FMO1: variants seen among roughly 807,000 people sequenced by gnomAD.
FMO1 encodes flavin-containing monooxygenase 1.
Under a neutral mutation model 45.4 loss-of-function variants are expected in FMO1, and 36 were observed. The ratio of observed to expected loss-of-function variants is 0.79; its 90% CI spans 0.61 to 1.05. The LOEUF is 1.05. Ranked by LOEUF, FMO1 falls within the 50% of genes least tolerant of loss-of-function variation. FMO1 has a pLI of 0.00. For synonymous variants in FMO1, 228 were observed against 227.2 expected (o/e 1.00, Z -0.03); for missense variants, 615 against 640.3 (o/e 0.96, Z 0.43).
intron 3 of FMO1, among the ~76,000 whole-genome samples, chr1:171,268,708 T>A (rs1660722854): frequency 6.6e-6 from 1 of 152,118 alleles, no homozygotes; most frequent in Non-Finnish European, 1.5e-5. Context: ...GTAAGGATGA[T>A]GAGGAATTCA....
chr1:171,259,412 A>G (rs1341474563), intron 2 of FMO1, among the ~76,000 whole-genome samples: 3 of 152,172 alleles, frequency 2.0e-5, no homozygotes, highest in Admixed American at 6.5e-5. Flanking sequence ...ATCAAACCAC[A>G]TATGTTCCAA....
At chr1:171,282,982 A>C in intron 7 of FMO1, 162 bp from the exon 8 acceptor site, 1 of 532,060 alleles carries the variant, frequency 1.9e-6, no homozygotes, top group Non-Finnish European at 3.4e-6. Context: ...TACCAGGAGC[A>C]TACAACCAGT....
intron 2 of FMO1, among the ~76,000 whole-genome samples, chr1:171,265,613 G>A (rs1334571892): frequency 6.6e-6 from 1 of 152,082 alleles, no homozygotes; most frequent in Non-Finnish European, 1.5e-5. Context: ...AATTGACACA[G>A]AGAGTCATCA....
chr1:171,282,648 C>T (rs1480895554), intron 7 of FMO1: 5 of 262,238 alleles, frequency 1.9e-5, no homozygotes. Flanking sequence ...ACTATCTCGT[C>T]CAGACTAGTG....
At chr1:171,276,946 A>C (rs1571354905) in intron 4 of FMO1, among the ~76,000 whole-genome samples, 2 of 152,178 alleles carry the variant, frequency 1.3e-5, no homozygotes, top group East Asian at 3.8e-4. Flanking sequence ...TCGCCCACTT[A>C]ACTTTTCTAA....
intron 2 of FMO1, among the ~76,000 whole-genome samples, chr1:171,260,107 C>T (rs1171900475): frequency 1.3e-5 from 2 of 152,088 alleles, no homozygotes; most frequent in African/African-American, 4.8e-5. Context: ...AGAAAAAGTA[C>T]TGGGCATATT....
chr1:171,270,956 C>A, intron 3 of FMO1: 1 of 859,056 alleles, frequency 1.2e-6, no homozygotes, highest in Non-Finnish European at 1.9e-6. Context: ...CCAACTTATT[C>A]ATCATCTTCT....
At position 171,283,169 on chromosome 1, in the gene FMO1, T is replaced by A; in HGVS notation, c.1209T>A (p.Ser403Arg). The change falls in exon 8 of 9, where the codon AGT becomes AGA. Residue 403 changes from serine (S) to arginine (R), a missense_variant. Ser to Arg is a moderately radical substitution (Grantham distance 110). Coordinates refer to ENST00000617670, the MANE Select transcript of FMO1 (RefSeq NM_001282693.2). Reference protein sequence around the residue: ...LKGVNKLPPPSVMIEEINARK... With the variant: ...LKGVNKLPPPRVMIEEINARK... ...GTGTAAATAAGTTACCACCACCAAGTGTCATGATAGAGGAAATTAATGCAA... is the reference window on the plus strand; with the variant it reads ...GTGTAAATAAGTTACCACCACCAAGAGTCATGATAGAGGAAATTAATGCAA... 6.3e-7 allele frequency: 1 copy of A among 1,577,410 alleles called. No homozygotes were observed. Among genetic ancestry groups the A allele is most frequent in the Non-Finnish European group, 8.6e-7 (1 of 1,158,430 alleles).
intron 3 of FMO1, among the ~76,000 whole-genome samples, chr1:171,274,918 C>A (rs1661042016): frequency 6.6e-6 from 1 of 152,186 alleles, no homozygotes; most frequent in Non-Finnish European, 1.5e-5. Flanking sequence ...TTCTATAAAA[C>A]CTCATAAGCT....
intron 1 of FMO1, among the ~76,000 whole-genome samples, chr1:171,249,926 G>C (rs888850597): frequency 3.9e-5 from 6 of 151,960 alleles, no homozygotes; most frequent in Non-Finnish European, 8.8e-5. Flanking sequence ...AAAATCTCCG[G>C]GTCAATAAAA....
chr1:171,258,232 TCAA>T lies in FMO1; in HGVS notation c.132+18_132+20del. On this transcript the variant is annotated intron_variant, in intron 2 of 8. Coordinates refer to ENST00000617670, the MANE Select transcript of FMO1 (RefSeq NM_001282693.2). ...GTGGAGATTCACCGTAAGTGGGGTT[TCAA>T]CAACTTTATCTGTCTATTGGAGAAT... The T allele has an allele frequency of 6.2e-7, 1 of 1,613,768 alleles. No individual in the cohort carries two copies. Among genetic ancestry groups the T allele is most frequent in the Non-Finnish European group, 8.5e-7 (1 of 1,179,760 alleles).
chr1:171,255,079 G>C (rs1660092963), intron 1 of FMO1, among the ~76,000 whole-genome samples: 1 of 152,208 alleles, frequency 6.6e-6, no homozygotes, highest in African/African-American at 2.4e-5. Flanking sequence ...GCTCATCAGA[G>C]AATGAATCAC....
intron 2 of FMO1, among the ~76,000 whole-genome samples, chr1:171,260,399 G>A (rs568545825): frequency 8.9e-4 from 136 of 152,272 alleles, no homozygotes; most frequent in Non-Finnish European, 1.5e-3. Context: ...GAAAAGGGAG[G>A]AGTGGAATTG....
At chr1:171,264,195 A>C (rs2101809721) in intron 2 of FMO1, among the ~76,000 whole-genome samples, 1 of 151,930 alleles carries the variant, frequency 6.6e-6, no homozygotes, top group Admixed American at 6.6e-5. Flanking sequence ...TTTTCCCTCT[A>C]TTTTTGTTAG....
chr1:171,259,477 T>C (rs185844771), intron 2 of FMO1, among the ~76,000 whole-genome samples: 1 of 152,308 alleles, frequency 6.6e-6, no homozygotes, highest in East Asian at 1.9e-4. Context: ...CCCATGTCCA[T>C]CGAAGACATT....
At chr1:171,275,214 T>C in intron 3 of FMO1, 132 bp from the exon 4 acceptor site, 1 of 645,892 alleles carries the variant, frequency 1.5e-6, no homozygotes, top group Non-Finnish European at 2.5e-6. Context: ...CCTGATTAGG[T>C]TTCTAGGGTT....
chr1:171,266,898 G>C (rs1424501984), intron 2 of FMO1, among the ~76,000 whole-genome samples: 1 of 152,182 alleles, frequency 6.6e-6, no homozygotes, highest in Non-Finnish European at 1.5e-5. Context: ...TGAGATATTG[G>C]TATTTGCTAG....
chr1:171,251,265 C>T (rs1445207721), intron 1 of FMO1, among the ~76,000 whole-genome samples: 1 of 152,118 alleles, frequency 6.6e-6, no homozygotes, highest in Non-Finnish European at 1.5e-5. Context: ...AGGGCCAAGT[C>T]GCAACTGTTT....
chr1:171,285,242 A>G lies in FMO1; in HGVS notation c.1297A>G (p.Ile433Val). 2 of 1,613,344 alleles carry G rather than the reference A, an allele frequency of 1.2e-6. No individual in the cohort carries two copies. Among genetic ancestry groups the G allele is most frequent in the Non-Finnish European group, 1.7e-6 (2 of 1,179,610 alleles). Residue 433 changes from isoleucine (I) to valine (V), a missense_variant, in exon 9 of 9, where the codon ATC becomes GTC. Transcript: ENST00000617670. ...CTGCAAGGCTTTACAATCAGATTAT[A>G]TCACATACATAGATGAACTCCTGAC... ...CYCKALQSDY[I>V]TYIDELLTYI... is the part of the protein sequence containing the mutation.
Sources: allele counts gnomAD v4.1 joint callset (sites outside exome capture counted in the v4.1 genomes callset), GRCh38; gene constraint gnomAD v4.1.1; transcripts MANE v1.5; gene names NCBI Gene and HGNC (gene_info 2026-07-23, HGNC 2026-07-21).